Variants in RMST observed in about 807,000 individuals in gnomAD.
RMST encodes long intergenic non-protein coding RNA 54.
chr12:97,511,071 G>C (rs1321130672), intron 10 of RMST, among the ~76,000 whole-genome samples: 1 of 151,822 alleles, frequency 6.6e-6, no homozygotes, highest in Non-Finnish European at 1.5e-5. Flanking sequence ...TTTGAGACTG[G>C]AGCAGAGGAG....
chr12:97,535,397 A>G (rs973706545), intron 11 of RMST, among the ~76,000 whole-genome samples: 2 of 151,694 alleles, frequency 1.3e-5, no homozygotes, highest in African/African-American at 4.8e-5. Flanking sequence ...TTTTAACTCA[A>G]ATGCCTTCAG....
At chr12:97,513,024 C>T (rs534436631) in intron 10 of RMST, among the ~76,000 whole-genome samples, 23 of 152,356 alleles carry the variant, frequency 1.5e-4, no homozygotes, top group African/African-American at 3.8e-4. Flanking sequence ...GCCGGCCGGC[C>T]GCTCCAACTG....
At chr12:97,505,019 C>T (rs1331175608) in intron 10 of RMST, among the ~76,000 whole-genome samples, 1 of 152,130 alleles carries the variant, frequency 6.6e-6, no homozygotes, top group African/African-American at 2.4e-5. Flanking sequence ...ATGTTATGTT[C>T]ACTTTTATTT....
chr12:97,487,110 C>G (rs1876199324), intron 5 of RMST, among the ~76,000 whole-genome samples: 1 of 152,190 alleles, frequency 6.6e-6, no homozygotes, highest in Non-Finnish European at 1.5e-5. Flanking sequence ...TTTCCAGTTT[C>G]ACCACAGAAA....
chr12:97,510,826 A>C (rs1368043619), intron 10 of RMST, among the ~76,000 whole-genome samples: 2 of 152,148 alleles, frequency 1.3e-5, no homozygotes, highest in Non-Finnish European at 2.9e-5. Flanking sequence ...CCCACCAATA[A>C]AGTCGATAGG....
chr12:97,513,153 C>T (rs547582810), intron 10 of RMST, among the ~76,000 whole-genome samples: 1 of 152,328 alleles, frequency 6.6e-6, no homozygotes, highest in East Asian at 1.9e-4. Context: ...AGGGGGCCGG[C>T]TCTGGCCTTG....
intron 6 of RMST, chr12:97,493,041 G>T (rs1443866653): frequency 2.0e-5 from 3 of 152,160 alleles, no homozygotes; most frequent in Non-Finnish European, 4.4e-5. Flanking sequence ...AGTAGTAATG[G>T]CTCAGAAAAA....
intron 11 of RMST, chr12:97,532,650 T>TG (rs1182714453): frequency 2.0e-5 from 3 of 149,034 alleles, no homozygotes; most frequent in East Asian, 3.9e-4. Context: ...GTCCCGTTTT[T>TG]TTTTTTTTTT....
At chr12:97,508,051 T>C (rs1878888211) in intron 10 of RMST, among the ~76,000 whole-genome samples, 1 of 151,838 alleles carries the variant, frequency 6.6e-6, no homozygotes, top group Non-Finnish European at 1.5e-5. Flanking sequence ...CAGGGTGGAG[T>C]AGTATCAGAC....
intron 10 of RMST, among the ~76,000 whole-genome samples, chr12:97,504,908 C>A (rs1878500938): frequency 6.7e-6 from 1 of 149,436 alleles, no homozygotes; most frequent in South Asian, 2.1e-4. Flanking sequence ...GACTTTCTCT[C>A]TCTGATGAGA....
chr12:97,506,974 G>A (rs531573122), intron 10 of RMST, among the ~76,000 whole-genome samples: 4 of 152,138 alleles, frequency 2.6e-5, no homozygotes, highest in African/African-American at 7.2e-5. Context: ...GAGCCACTGC[G>A]CCCGGCCAGA....
chr12:97,463,877 T>C (rs983778482), intron 4 of RMST, among the ~76,000 whole-genome samples: 4 of 151,852 alleles, frequency 2.6e-5, no homozygotes, highest in Admixed American at 1.3e-4. Flanking sequence ...AATTAGTTGG[T>C]TTTTTTTAAT....
chr12:97,473,379 G>A lies in RMST; in HGVS notation n.644+7652G>A, dbSNP rs926646294. On this transcript the variant is annotated intron_variant and non_coding_transcript_variant, in intron 5 of 13. Coordinates refer to ENST00000640149, the Ensembl canonical transcript of RMST. Reference sequence around the variant, plus strand: ...GGTTTATAGTAAAATACGTGTGTGTGTTTCGAAGGCTGGGGGCTTGGTGGA... The same window carrying A: ...GGTTTATAGTAAAATACGTGTGTGTATTTCGAAGGCTGGGGGCTTGGTGGA... Among the ~76,000 whole-genome samples the A allele has an allele frequency of 5.3e-5, 8 of 152,210 alleles. No individual in the cohort carries two copies. In the South Asian group the frequency reaches 8.3e-4, roughly 16 times the overall value.
intron 11 of RMST, among the ~76,000 whole-genome samples, chr12:97,554,014 G>C (rs1446925751): frequency 6.8e-6 from 1 of 147,540 alleles, no homozygotes; most frequent in Non-Finnish European, 1.5e-5. Context: ...GAGTGCAGTG[G>C]CATGATCTTA....
intron 10 of RMST, among the ~76,000 whole-genome samples, chr12:97,529,449 C>T (rs1881430386): frequency 6.6e-6 from 1 of 152,084 alleles, no homozygotes; most frequent in African/African-American, 2.4e-5. Flanking sequence ...CAAATATACA[C>T]AATTCTTAGG....
chr12:97,483,837 A>C (rs908265321), intron 5 of RMST, among the ~76,000 whole-genome samples: 1 of 152,200 alleles, frequency 6.6e-6, no homozygotes, highest in Admixed American at 6.5e-5. Flanking sequence ...AAGTGGGACA[A>C]TATTATACTT....
At chr12:97,475,584 TTTG>T (rs1201156451) in intron 5 of RMST, among the ~76,000 whole-genome samples, 2 of 122,864 alleles carry the variant, frequency 1.6e-5, no homozygotes, top group African/African-American at 3.1e-5. Flanking sequence ...TATCTTTTTT[TTTG>T]TTTTTTTTTT....
At chr12:97,516,394 T>C (rs1403557299) in intron 10 of RMST, among the ~76,000 whole-genome samples, 2 of 152,050 alleles carry the variant, frequency 1.3e-5, no homozygotes, top group East Asian at 1.9e-4. Context: ...CATCATTTCC[T>C]ATCTGAATAG....
At chr12:97,491,975 T>C (rs745824887) in intron 5 of RMST, 1 of 532,942 alleles carries the variant, frequency 1.9e-6, no homozygotes, top group Non-Finnish European at 3.9e-6. Context: ...AGTGTAGACA[T>C]GGCCTGATAA....
Sources: allele counts gnomAD v4.1 joint callset (sites outside exome capture counted in the v4.1 genomes callset), GRCh38; gene constraint gnomAD v4.1.1; transcripts MANE v1.5; gene names NCBI Gene and HGNC (gene_info 2026-07-23, HGNC 2026-07-21).